Variants in GNA13 observed in about 807,000 individuals in gnomAD.
GNA13 encodes G protein subunit alpha 13.
Under a neutral mutation model 33.5 loss-of-function variants are expected in GNA13, and 4 were observed. The observed-to-expected ratio is 0.12, with a 90% CI of 0.06 to 0.27. The LOEUF (loss-of-function observed/expected upper bound fraction) is 0.27. GNA13 is among the 10% of genes least tolerant of loss of function. GNA13 has a pLI of 1.00. For missense variants in GNA13, 319 were observed against 487.2 expected, an observed-to-expected ratio of 0.65 and a Z score of 3.25; for synonymous variants, 176 against 183.8, an observed-to-expected ratio of 0.96 and a Z score of 0.34.
At chr17:65,020,405 G>C (rs1906540286) in intron 2 of GNA13, among the ~76,000 whole-genome samples, 1 of 152,100 alleles carries the variant, frequency 6.6e-6, no homozygotes, top group African/African-American at 2.4e-5. Flanking sequence ...GTTCTGCCCT[G>C]TGCAACAATT....
chr17:65,012,257 G>C lies in GNA13; in HGVS notation c.*2000C>G, dbSNP rs1906215394. ...TCCTCTTTCTATAGGGATCTAACTT[G>C]AGCCCTCACTGGAGTCAAATGTTTT... On this transcript the variant is annotated 3_prime_UTR_variant, in exon 4 of 4. Coordinates refer to ENST00000439174, the MANE Select transcript of GNA13 (RefSeq NM_006572.6). 9.0e-6 allele frequency: 2 copies of C among 222,600 alleles called. No individual in the cohort carries two copies. The highest frequency in any genetic ancestry group is 5.7e-5 in the Admixed American group (1 of 17,434). 13.8% of individuals were successfully genotyped at this position (222,600 alleles called of 1,614,324 possible).
intron 2 of GNA13, among the ~76,000 whole-genome samples, chr17:65,027,627 T>C (rs1433163082): frequency 6.6e-6 from 1 of 152,192 alleles, no homozygotes; most frequent in African/African-American, 2.4e-5. Context: ...AGTCACTGTA[T>C]CCCTCTAAAT....
At chr17:65,025,415 T>A (rs1049169459) in intron 2 of GNA13, among the ~76,000 whole-genome samples, 4 of 152,206 alleles carry the variant, frequency 2.6e-5, no homozygotes, top group Admixed American at 2.6e-4. Flanking sequence ...CCCTAGAGCC[T>A]ATTTTCAAAT....
Position 65,014,058 on chromosome 17 carries a change from A to C in GNA13, c.*199T>G. On this transcript the variant is annotated 3_prime_UTR_variant, in exon 4 of 4. Transcript: ENST00000439174. This position sits in a 1 kb window ranked among gnomAD's most constrained non-coding sequence, Gnocchi z 5.3. ...TGAAACAGATCAAAGCCTGCATTAC[A>C]GCAAATCTTGGCGATGAGTCACTCA... The C allele has an allele frequency of 5.4e-6, 3 of 556,468 alleles. No individual in the cohort carries two copies. The highest frequency in any genetic ancestry group is 5.7e-5 in the East Asian group (2 of 35,094). The allele number at this position is 556,468 out of a possible 1,614,324, so 34.5% of individuals were successfully genotyped here.
chr17:65,019,089 C>A (rs182022657), intron 2 of GNA13, among the ~76,000 whole-genome samples: 1 of 152,140 alleles, frequency 6.6e-6, no homozygotes, highest in Non-Finnish European at 1.5e-5. Context: ...CCTGAAGCTA[C>A]TTCCAAGTGT....
intron 2 of GNA13, among the ~76,000 whole-genome samples, chr17:65,045,401 T>C (rs1467765377): frequency 6.9e-6 from 1 of 145,908 alleles, no homozygotes; most frequent in African/African-American, 2.5e-5. Context: ...ACGCTTGTAG[T>C]CCCAATAACT....
intron 2 of GNA13, among the ~76,000 whole-genome samples, chr17:65,026,978 A>C (rs891725744): frequency 1.3e-4 from 20 of 152,068 alleles, no homozygotes; most frequent in African/African-American, 4.1e-4. Context: ...GGGTTTCTCT[A>C]TGTTGGTCAG....
At chr17:65,043,880 A>G (rs1269002216) in intron 2 of GNA13, among the ~76,000 whole-genome samples, 4 of 152,148 alleles carry the variant, frequency 2.6e-5, no homozygotes, top group African/African-American at 9.7e-5. Context: ...CCAGCACTGC[A>G]GGAGGCCAAG....
At position 65,012,537 on chromosome 17, in the gene GNA13, A is replaced by T. The variant is rs116664012; in HGVS notation, c.*1720T>A. ...GCTACGTATGTGTAGCTCATGGATT[A>T]CCATGGCATGAAAATGCTAGAAGTT... On this transcript the variant is annotated 3_prime_UTR_variant, in exon 4 of 4. Transcript: ENST00000439174. 1,331 of 219,482 alleles carry T rather than the reference A, an allele frequency of 6.1e-3. 15 individuals are homozygous for T. The highest frequency in any genetic ancestry group is 0.029 in the African/African-American group (1,292 of 44,670). 13.6% of individuals were successfully genotyped at this position (219,482 alleles called of 1,614,324 possible).
intron 2 of GNA13, among the ~76,000 whole-genome samples, chr17:65,019,303 G>A (rs1015131082): frequency 6.6e-6 from 1 of 152,124 alleles, no homozygotes; most frequent in African/African-American, 2.4e-5. Flanking sequence ...TCCAGCAATG[G>A]CACTGCTAGG....
chr17:65,033,334 A>C, intron 2 of GNA13, among the ~76,000 whole-genome samples: 1 of 151,640 alleles, frequency 6.6e-6, no homozygotes, highest in East Asian at 1.9e-4. Flanking sequence ...AAAAAAGAAG[A>C]AATCAGCTGG....
chr17:65,055,707 T>C, intron 1 of GNA13: 1 of 985,364 alleles, frequency 1.0e-6, no homozygotes, highest in Non-Finnish European at 1.2e-6. Flanking sequence ...AGTTTCATAT[T>C]CTCGCCCAAA....
rs553057368 is a variant in GNA13, at chr17:65,026,653, A to AT, written c.511-8351dup. On this transcript the variant is annotated intron_variant, in intron 2 of 3. Coordinates refer to ENST00000439174, the MANE Select transcript of GNA13 (RefSeq NM_006572.6). ...ACTTCTAGATCATTCAAGATCTAAT[A>AT]TAGTATGAACCCCCTTTTAAGAAAA... Among the ~76,000 whole-genome samples the AT allele has an allele frequency of 1.2e-4, 19 of 152,388 alleles. 2 individuals carry two copies. In the South Asian group the frequency reaches 3.9e-3, roughly 32 times the overall value.
In GNA13 at chr17:65,056,726, G is replaced by T; in HGVS notation, c.-133C>A. 4.3e-6 allele frequency: 2 copies of T among 464,782 alleles called. No individual in the cohort carries two copies. The highest frequency in any genetic ancestry group is 1.2e-4 in the South Asian group (2 of 16,434). 28.8% of individuals were successfully genotyped at this position (464,782 alleles called of 1,614,324 possible). A position where few individuals can be genotyped will look rare whatever the true frequency, so the allele number is the denominator to read the frequency against. ...CGGCCCGAGCGCGCCCAGGGAGGGA[G>T]GGAACCAGCGAACTGACTCGCAGGG... On this transcript the variant is annotated 5_prime_UTR_variant, in exon 1 of 4. Coordinates refer to ENST00000439174, the MANE Select transcript of GNA13 (RefSeq NM_006572.6).
At chr17:65,049,275 A>G (rs1468152085) in intron 2 of GNA13, among the ~76,000 whole-genome samples, 1 of 152,026 alleles carries the variant, frequency 6.6e-6, no homozygotes, top group Non-Finnish European at 1.5e-5. Flanking sequence ...ATGCCTGGCT[A>G]ATTTTTGGTT....
intron 2 of GNA13, among the ~76,000 whole-genome samples, chr17:65,046,500 C>T (rs1166545774): frequency 6.6e-6 from 1 of 152,094 alleles, no homozygotes; most frequent in African/African-American, 2.4e-5. Flanking sequence ...CTATGTTGGC[C>T]AGGCCGTTCT....
chr17:65,049,508 C>T (rs1419330432), intron 2 of GNA13, among the ~76,000 whole-genome samples: 4 of 152,082 alleles, frequency 2.6e-5, no homozygotes, highest in African/African-American at 9.7e-5. Flanking sequence ...CTAGGCATAC[C>T]AAAGGACTTC....
rs538716620 is a variant in GNA13 at position 65,009,801 on chromosome 17, G to A, written c.*4456C>T. 2.6e-5 allele frequency among the ~76,000 whole-genome samples: 4 copies of A among 152,316 alleles called. 1 individual carries two copies. In the South Asian group the frequency reaches 8.3e-4, roughly 32 times the overall value. The stretch of plus-strand genomic sequence containing the variant: ...TTGCACTGTTGCTTATACTGTGCAA[G>A]AATTAATCTCTACCCCTTTCTTTCC... On this transcript the variant is annotated 3_prime_UTR_variant, in exon 4 of 4. Coordinates refer to ENST00000439174, the MANE Select transcript of GNA13 (RefSeq NM_006572.6).
chr17:65,044,219 G>C (rs926560027), intron 2 of GNA13, among the ~76,000 whole-genome samples: 2 of 152,314 alleles, frequency 1.3e-5, no homozygotes, highest in African/African-American at 4.8e-5. Flanking sequence ...TACCATCAAC[G>C]CAACAGATTG....
Sources: allele counts gnomAD v4.1 joint callset (sites outside exome capture counted in the v4.1 genomes callset), GRCh38; gene constraint gnomAD v4.1.1; non-coding constraint Gnocchi (gnomAD v3.1); transcripts MANE v1.5; gene names NCBI Gene and HGNC (gene_info 2026-07-23, HGNC 2026-07-21).